Variants in SATB2 observed in about 807,000 individuals in gnomAD.
The protein encoded by SATB2 is SATB homeobox 2.
A neutral mutation model predicts 73.4 loss-of-function variants in SATB2; 1 was observed. The ratio of observed to expected loss-of-function variants is 0.01; its 90% CI spans 0.00 to 0.06. The LOEUF is 0.06. Among genes scored for constraint, SATB2 ranks in the 10% least tolerant of loss-of-function variants. The pLI is 1.00. For synonymous variants in SATB2, 397 were observed against 367.0 expected, an observed-to-expected ratio of 1.08 and a Z score of -0.93; for missense variants, 459 against 945.8, an observed-to-expected ratio of 0.49 and a Z score of 6.75.
intron 10 of SATB2, among the ~76,000 whole-genome samples, chr2:199,303,817 C>T (rs1205114773): frequency 6.6e-6 from 1 of 152,134 alleles, no homozygotes; most frequent in African/African-American, 2.4e-5. Context: ...TGGTGTCTGA[C>T]TGTCACTAAC....
In SATB2 at chr2:199,310,031, T is replaced by A. The variant is rs541885380; in HGVS notation, c.1543-1074A>T. Among the ~76,000 whole-genome samples the A allele has an allele frequency of 7.6e-3, 1,158 of 152,300 alleles. 13 individuals carry two copies. Among genetic ancestry groups the A allele is most frequent in the African/African-American group, 0.026 (1,087 of 41,554 alleles). On this transcript the variant is annotated intron_variant, in intron 9 of 10. Coordinates refer to ENST00000417098, the MANE Select transcript of SATB2 (RefSeq NM_001172509.2). ...TGCCTTTACCCCAAAAAAGGCAAGA[T>A]TTGATTATCTCTGCTGCATCAGCCA...
At chr2:199,436,429 AAAAACAAAAC>A (rs1258604188) in intron 2 of SATB2, among the ~76,000 whole-genome samples, 2 of 151,692 alleles carry the variant, frequency 1.3e-5, no homozygotes, top group Non-Finnish European at 2.9e-5. Context: ...CTATTTAAAA[AAAAACAAAAC>A]AAAACAAAAC....
intron 7 of SATB2, among the ~76,000 whole-genome samples, chr2:199,335,743 C>A (rs529281954): frequency 1.4e-4 from 21 of 152,300 alleles, no homozygotes; most frequent in African/African-American, 4.6e-4. Flanking sequence ...TTTCATCCAG[C>A]CTGCTGAAAA....
At chr2:199,352,154 G>A (rs369208808) in intron 6 of SATB2, among the ~76,000 whole-genome samples, 9 of 152,284 alleles carry the variant, frequency 5.9e-5, no homozygotes, top group South Asian at 2.1e-4. Flanking sequence ...GATTACAGGC[G>A]TGAGCCACTG....
At chr2:199,310,801 A>C (rs1687574051) in intron 9 of SATB2, among the ~76,000 whole-genome samples, 1 of 152,226 alleles carries the variant, frequency 6.6e-6, no homozygotes, top group Admixed American at 6.5e-5. Flanking sequence ...GACCTTAAGG[A>C]AGACAGCACC....
At chr2:199,338,909 C>A (rs565345335) in intron 7 of SATB2, among the ~76,000 whole-genome samples, 3 of 125,466 alleles carry the variant, frequency 2.4e-5, no homozygotes, top group Non-Finnish European at 5.1e-5. Context: ...CAGAGCAAGA[C>A]TCTGTCTTAA....
chr2:199,309,907 TATC>T (rs1174881366), intron 9 of SATB2, among the ~76,000 whole-genome samples: 4 of 152,206 alleles, frequency 2.6e-5, no homozygotes, highest in African/African-American at 2.4e-5. Context: ...ACAAATTCTA[TATC>T]ATCACTTGTA....
intron 10 of SATB2, among the ~76,000 whole-genome samples, chr2:199,304,312 T>G (rs1342479310): frequency 6.6e-6 from 1 of 152,212 alleles, no homozygotes; most frequent in African/African-American, 2.4e-5. Flanking sequence ...CAGGAAATAC[T>G]TTTGTTTCCA....
chr2:199,341,527 A>G (rs899313085), intron 7 of SATB2, among the ~76,000 whole-genome samples: 4 of 152,176 alleles, frequency 2.6e-5, no homozygotes, highest in Non-Finnish European at 5.9e-5. Context: ...ATTTTTATTC[A>G]TTCTCTCTCT....
chr2:199,301,982 T>TA (rs1465756599), intron 10 of SATB2, among the ~76,000 whole-genome samples: 3 of 152,180 alleles, frequency 2.0e-5, no homozygotes, highest in Non-Finnish European at 4.4e-5. Flanking sequence ...TCAAGAGTCC[T>TA]ACACCTGGAT....
At chr2:199,424,195 TGACTTAA>T (rs539181025) in intron 3 of SATB2, among the ~76,000 whole-genome samples, 87 of 152,244 alleles carry the variant, frequency 5.7e-4, no homozygotes, top group Non-Finnish European at 1.1e-3. Context: ...TCTACAGCCT[TGACTTAA>T]GACCCTTTAC....
chr2:199,368,317 T>A (rs62178603), intron 6 of SATB2, among the ~76,000 whole-genome samples: 4 of 152,182 alleles, frequency 2.6e-5, no homozygotes, highest in Non-Finnish European at 5.9e-5. Flanking sequence ...TGATTTAACC[T>A]AGAATGACAG....
upstream of SATB2, chr2:199,458,486 G>T (rs1394642948): frequency 2.1e-5 from 8 of 388,836 alleles, no homozygotes; most frequent in South Asian, 1.3e-4. Context: ...GCCAGCGGGT[G>T]GGTGCGTCTG....
intron 10 of SATB2, among the ~76,000 whole-genome samples, chr2:199,295,278 T>C (rs1692995598): frequency 1.3e-5 from 2 of 152,172 alleles, no homozygotes. Context: ...ACACCTGACT[T>C]TTCTTTCATA....
intron 7 of SATB2, chr2:199,347,664 C>T (rs1264898473): frequency 1.3e-5 from 2 of 152,198 alleles, no homozygotes; most frequent in East Asian, 1.9e-4. Context: ...ATTCATTCTC[C>T]TGGAAGTATT....
At chr2:199,347,538 A>G (rs1688690118) in intron 7 of SATB2, 1 of 152,158 alleles carries the variant, frequency 6.6e-6, no homozygotes, top group African/African-American at 2.4e-5. Context: ...TGTTGTTTAC[A>G]TATGTGCTTG....
intron 10 of SATB2, among the ~76,000 whole-genome samples, chr2:199,286,138 A>G (rs1038077660): frequency 1.9e-3 from 28 of 14,686 alleles, no homozygotes; most frequent in East Asian, 0.018. Context: ...GTTTGGGGAA[A>G]AAAAAAAAAG....
rs143857389 is a variant in SATB2 at position 199,272,643 on chromosome 2, G to T, written c.1770C>A (p.Ala590=). 1.2e-6 allele frequency: 2 copies of T among 1,613,902 alleles called. No individual in the cohort carries two copies. The highest frequency in any genetic ancestry group is 2.7e-5 in the African/African-American group (2 of 74,878). ...CTTCTCTGGGAGGGGAACTCTCCTT[G>T]GCTGGCTGAGACTGCTGTCTATGAA... is the stretch of plus-strand genomic sequence containing the variant. ...QVLHRQQSQP[A]KESSPPREEA... The change falls in exon 11 of 11, where the codon GCC becomes GCA. Residue 590 remains alanine (A), a synonymous_variant. Transcript: ENST00000417098. The surrounding 1 kb of genome is among the most constrained non-coding windows in gnomAD (Gnocchi z 6.7).
At chr2:199,300,862 G>GCT (rs1482637681) in intron 10 of SATB2, among the ~76,000 whole-genome samples, 1 of 152,090 alleles carries the variant, frequency 6.6e-6, no homozygotes, top group Non-Finnish European at 1.5e-5. Context: ...GTGGAACCCA[G>GCT]CTGTTTGACA....
Sources: gnomAD v4.1 joint callset for allele counts (sites outside exome capture counted in the v4.1 genomes callset) on GRCh38, gnomAD v4.1.1 for gene constraint, Gnocchi (gnomAD v3.1) non-coding constraint, MANE v1.5 for transcripts, NCBI Gene and HGNC (gene_info 2026-07-23, HGNC 2026-07-21) for gene names.